The following ISM1 variants were observed in gnomAD, a reference collection of about 807,000 sequenced individuals.
The protein encoded by ISM1 is isthmin 1.
ISM1 carries 25 observed loss-of-function variants against 46.3 expected under a neutral mutation model. That is an observed-to-expected ratio of 0.54 (90% CI 0.39 to 0.75). The LOEUF (loss-of-function observed/expected upper bound fraction) is 0.75. ISM1 is among the 30% of genes least tolerant of loss of function. ISM1 has a pLI of 0.00. For missense variants in ISM1, 536 were observed against 625.4 expected (o/e 0.86, Z 1.52); for synonymous variants, 255 against 256.7 (o/e 0.99, Z 0.06).
intron 2 of ISM1, among the ~76,000 whole-genome samples, chr20:13,274,678 C>G (rs1342263088): frequency 2.6e-5 from 4 of 151,372 alleles, no homozygotes; most frequent in East Asian, 1.9e-4. Flanking sequence ...CCGCCCCCCC[C>G]GCGCCCGGCC....
intron 1 of ISM1, chr20:13,239,018 G>T (rs909219332): frequency 6.6e-6 from 1 of 152,246 alleles, no homozygotes; most frequent in Non-Finnish European, 1.5e-5. Flanking sequence ...TACTGAGAGT[G>T]TGAAGTGTGA....
intron 1 of ISM1, among the ~76,000 whole-genome samples, chr20:13,259,988 C>T (rs1199415397): frequency 6.6e-6 from 1 of 152,208 alleles, no homozygotes; most frequent in Non-Finnish European, 1.5e-5. Flanking sequence ...TTGAATGAAT[C>T]CATGAATAGA....
intron 1 of ISM1, among the ~76,000 whole-genome samples, chr20:13,230,737 T>C (rs1489756961): frequency 2.7e-5 from 4 of 150,468 alleles, no homozygotes; most frequent in Non-Finnish European, 5.9e-5. Flanking sequence ...AGCAAGGGAA[T>C]GTGTTGTAGA....
At chr20:13,268,160 C>T (rs201659339) in intron 1 of ISM1, among the ~76,000 whole-genome samples, 134 of 77,944 alleles carry the variant, frequency 1.7e-3, no homozygotes, top group East Asian at 7.9e-3. Context: ...TCTTCCCTTC[C>T]CTTCTCTCCT....
Position 13,221,634 on chromosome 20 carries a change from C to A in ISM1, c.-143C>A, listed in dbSNP as rs1200641139. The A allele has an allele frequency of 1.2e-5, 7 of 597,442 alleles. No individual in the cohort carries two copies. The highest frequency in any genetic ancestry group is 1.3e-5 in the Non-Finnish European group (6 of 444,584). 37.0% of individuals were successfully genotyped at this position (597,442 alleles called of 1,614,324 possible). On this transcript the variant is annotated 5_prime_UTR_variant, in exon 1 of 6. Transcript: ENST00000262487. Reference sequence around the variant, plus strand: ...CCCGCCGCGCCCAGCGCCAGCCCCGCGGGCCCGGGAAGCGGAGCCCTGGCG... The same window carrying A: ...CCCGCCGCGCCCAGCGCCAGCCCCGAGGGCCCGGGAAGCGGAGCCCTGGCG...
chr20:13,266,336 T>G (rs7263067), intron 1 of ISM1, among the ~76,000 whole-genome samples: 11,613 of 152,240 alleles, frequency 0.076, 495 homozygotes, highest in Non-Finnish European at 0.1. Context: ...TCTAAAATAA[T>G]AGAAGGAGAG....
At chr20:13,301,971 G>A (rs1164718233), downstream of ISM1, among the ~76,000 whole-genome samples, 1 of 152,220 alleles carries the variant, frequency 6.6e-6, no homozygotes, top group Non-Finnish European at 1.5e-5. Context: ...AAAAGAGCAA[G>A]GGGAAGTGGG....
chr20:13,288,699 T>G lies in ISM1; in HGVS notation c.787+16T>G, dbSNP rs1187011467. ...AACTGCCCAGGTGCGTTTACCTGAG[T>G]GTGTAGCTCCAAGTTCAAGGGGAAA... On this transcript the variant is annotated intron_variant, in intron 4 of 5. Transcript: ENST00000262487. The G allele has an allele frequency of 6.2e-7, 1 of 1,601,266 alleles. No homozygotes were observed. The highest frequency in any genetic ancestry group is 8.5e-7 in the Non-Finnish European group (1 of 1,170,172).
the ISM1 span, among the ~76,000 whole-genome samples, chr20:13,306,427 A>T: frequency 2.0e-5 from 3 of 152,146 alleles, no homozygotes; most frequent in African/African-American, 7.2e-5. Context: ...TTTTTACACC[A>T]TTAGACATGC....
In ISM1 at chr20:13,270,750, C is replaced by A; in HGVS notation, c.378+7C>A. On this transcript the variant is annotated splice_region_variant and intron_variant, in intron 2 of 5. Coordinates refer to ENST00000262487, the MANE Select transcript of ISM1 (RefSeq NM_080826.2). ...GCAGAATCCAAATATCCAGGTAATT[C>A]TTGGCACCTGGAAGATGGGAGATAA... 2.5e-6 allele frequency: 4 copies of A among 1,612,402 alleles called. No homozygotes were observed. The highest frequency in any genetic ancestry group is 1.7e-5 in the Admixed American group (1 of 59,860).
intron 4 of ISM1, among the ~76,000 whole-genome samples, chr20:13,290,266 G>A (rs2040338581): frequency 6.6e-6 from 1 of 152,052 alleles, no homozygotes; most frequent in African/African-American, 2.4e-5. Flanking sequence ...ACAATATGAG[G>A]AGGAGGAAGA....
At chr20:13,233,595 CA>C (rs1183584907) in intron 1 of ISM1, among the ~76,000 whole-genome samples, 256 of 63,738 alleles carry the variant, frequency 4.0e-3, no homozygotes, top group Middle Eastern at 0.02. Context: ...AACTCCATCT[CA>C]AAAAAAAAAA....
At chr20:13,294,533 A>G (rs1485170519) in intron 5 of ISM1, among the ~76,000 whole-genome samples, 1 of 152,202 alleles carries the variant, frequency 6.6e-6, no homozygotes, top group Non-Finnish European at 1.5e-5. Flanking sequence ...AGATGCACAA[A>G]GCCACATTGG....
rs111755856 is a variant in ISM1, at chr20:13,286,285, G to A, written c.644-2255G>A. Among the ~76,000 whole-genome samples, 45 of 151,810 alleles carry A rather than the reference G, an allele frequency of 3.0e-4. 1 individual carries two copies. Among genetic ancestry groups the A allele is most frequent in the African/African-American group, 1.0e-3 (43 of 41,380 alleles). ...TTCCAGGCACCTCTCTGGTGCCCTT[G>A]GGGAGGTGACTGAGAGACACCAGAC... On this transcript the variant is annotated intron_variant, in intron 3 of 5. Coordinates refer to ENST00000262487, the MANE Select transcript of ISM1 (RefSeq NM_080826.2).
chr20:13,287,251 G>T (rs548420026), intron 3 of ISM1, among the ~76,000 whole-genome samples: 1 of 152,198 alleles, frequency 6.6e-6, no homozygotes, highest in South Asian at 2.1e-4. Flanking sequence ...GGCAAAGGAA[G>T]AGCAAAGGGA....
At chr20:13,247,535 TG>T (rs1285656764) in intron 1 of ISM1, among the ~76,000 whole-genome samples, 1 of 151,372 alleles carries the variant, frequency 6.6e-6, no homozygotes, top group African/African-American at 2.4e-5. Flanking sequence ...TGTGTGTGTG[TG>T]TGTGTGTGTG....
In ISM1 at chr20:13,221,764, G is replaced by T. The variant is rs923824391; in HGVS notation, c.-13G>T. The stretch of plus-strand genomic sequence containing the variant: ...CCGCCGCGCCGGGTCCTAAAGCCGC[G>T]CGTCTCAAAAGGATGGTGCGCCTGG... On this transcript the variant is annotated 5_prime_UTR_variant, in exon 1 of 6. Transcript: ENST00000262487. The T allele has an allele frequency of 1.4e-6, 2 of 1,429,826 alleles. No homozygotes were observed. The highest frequency in any genetic ancestry group is 2.7e-5 in the Admixed American group (1 of 37,120). The allele number at this position is 1,429,826 out of a possible 1,614,324, so 88.6% of individuals were successfully genotyped here.
downstream of ISM1, among the ~76,000 whole-genome samples, chr20:13,301,978 TG>T (rs375074583): frequency 3.9e-5 from 6 of 152,044 alleles, no homozygotes; most frequent in African/African-American, 1.2e-4. Flanking sequence ...CAAGGGGAAG[TG>T]GGTGTATTTG....
chr20:13,288,346 T>A (rs1201434368), intron 3 of ISM1, among the ~76,000 whole-genome samples, 194 bp from the exon 4 acceptor site: 1 of 152,182 alleles, frequency 6.6e-6, no homozygotes, highest in Non-Finnish European at 1.5e-5. Flanking sequence ...GCCCAAAACC[T>A]CCTTGCTGTC....
Sources: gnomAD v4.1 joint callset for allele counts (sites outside exome capture counted in the v4.1 genomes callset) on GRCh38, gnomAD v4.1.1 for gene constraint, MANE v1.5 for transcripts, NCBI Gene and HGNC (gene_info 2026-07-23, HGNC 2026-07-21) for gene names.